SPATS2: variants seen among roughly 807,000 people sequenced by gnomAD.
SPATS2 encodes spermatogenesis-associated serine-rich protein 2.
SPATS2 carries 38 observed loss-of-function variants against 63.7 expected under a neutral mutation model. The ratio of observed to expected loss-of-function variants is 0.60; its 90% CI spans 0.46 to 0.78. The LOEUF (loss-of-function observed/expected upper bound fraction) is 0.78, where lower values mean the gene tolerates loss of function less well. Among genes scored for constraint, SPATS2 ranks in the 30% least tolerant of loss-of-function variants. The pLI is 0.00. For missense variants in SPATS2, 588 were observed against 666.2 expected, an observed-to-expected ratio of 0.88 and a Z score of 1.29; for synonymous variants, 207 against 232.9, an observed-to-expected ratio of 0.89 and a Z score of 1.01.
chr12:49,494,899 T>A lies in SPATS2; in HGVS notation c.423T>A (p.Thr141=). The A allele has an allele frequency of 6.2e-7, 1 of 1,614,110 alleles. No individual in the cohort carries two copies. Among genetic ancestry groups the A allele is most frequent in the Non-Finnish European group, 8.5e-7 (1 of 1,180,026 alleles). Residue 141 remains threonine (T), a synonymous_variant, in exon 7 of 14, where the codon ACT becomes ACA. Transcript: ENST00000552918. ...ATGTCAATGGTGCCATCAATGACACTGAGTCTGTGGACTCACTCAGTGAAG... is the reference window on the plus strand; with the variant it reads ...ATGTCAATGGTGCCATCAATGACACAGAGTCTGTGGACTCACTCAGTGAAG... The part of the protein sequence containing the change: ...GYHVNGAIND[T]ESVDSLSEGL...
intron 3 of SPATS2, among the ~76,000 whole-genome samples, chr12:49,464,108 T>C (rs1357129989): frequency 1.3e-5 from 2 of 152,216 alleles, no homozygotes; most frequent in African/African-American, 4.8e-5. Flanking sequence ...AACACAGTTT[T>C]ATTGAGGTAT....
intron 6 of SPATS2, among the ~76,000 whole-genome samples, chr12:49,493,900 A>G (rs1025588166): frequency 2.6e-5 from 4 of 152,220 alleles, no homozygotes; most frequent in African/African-American, 9.6e-5. Context: ...GTCTCAATAT[A>G]TAAAGAGCTT....
rs995598289 is a variant in SPATS2 at position 49,526,328 on chromosome 12, G to A, written c.*73G>A. 5.4e-6 allele frequency: 8 copies of A among 1,484,226 alleles called. No individual in the cohort carries two copies. Among genetic ancestry groups the A allele is most frequent in the Non-Finnish European group, 7.2e-6 (8 of 1,113,948 alleles). The allele number at this position is 1,484,226 out of a possible 1,614,324, so 91.9% of individuals were successfully genotyped here. The stretch of plus-strand genomic sequence containing the variant: ...ATAACTGGACTTTAGGAAACTTACA[G>A]TTAGATGTAATAACAAAAAGAAGTT... On this transcript the variant is annotated 3_prime_UTR_variant, in exon 14 of 14. Transcript: ENST00000552918.
rs990155182 is a variant in SPATS2, at chr12:49,471,786, C to T, written c.25+10749C>T. Among the ~76,000 whole-genome samples the T allele has an allele frequency of 2.6e-5, 4 of 152,168 alleles. 1 individual carries two copies. Among genetic ancestry groups the T allele is most frequent in the African/African-American group, 9.7e-5 (4 of 41,436 alleles). ...ATTAAACAGTAACTTACCATTCCCT[C>T]CCAGTTGTTGGCAACCACCATTCTA... On this transcript the variant is annotated intron_variant, in intron 3 of 13. Coordinates refer to ENST00000552918, the MANE Select transcript of SPATS2 (RefSeq NM_023071.4).
chr12:49,450,108 A>C (rs1376607708), intron 2 of SPATS2, among the ~76,000 whole-genome samples: 2 of 151,796 alleles, frequency 1.3e-5, no homozygotes, highest in African/African-American at 4.8e-5. Context: ...TGCATGATAT[A>C]TCTTTTTTCA....
At chr12:49,430,191 C>A (rs369569115) in intron 2 of SPATS2, among the ~76,000 whole-genome samples, 89 of 150,472 alleles carry the variant, frequency 5.9e-4, no homozygotes, top group Middle Eastern at 3.4e-3. Flanking sequence ...AGGTCTGCCT[C>A]CCAGGTTCAA....
chr12:49,412,951 A>G (rs79929859), intron 2 of SPATS2, among the ~76,000 whole-genome samples: 2 of 152,170 alleles, frequency 1.3e-5, no homozygotes, highest in Non-Finnish European at 2.9e-5. Flanking sequence ...GGAAAGAAGA[A>G]GGAACTGAGT....
intron 2 of SPATS2, among the ~76,000 whole-genome samples, chr12:49,392,926 C>T (rs1194711900): frequency 1.3e-5 from 2 of 152,054 alleles, no homozygotes; most frequent in African/African-American, 2.4e-5. Flanking sequence ...GTGGCAGGCG[C>T]CCATAATCCC....
At chr12:49,491,571 G>A (rs975953230) in intron 6 of SPATS2, among the ~76,000 whole-genome samples, 2 of 152,144 alleles carry the variant, frequency 1.3e-5, no homozygotes, top group African/African-American at 4.8e-5. Context: ...GTGCCTTGCA[G>A]AGGGGTCTGA....
intron 9 of SPATS2, among the ~76,000 whole-genome samples, chr12:49,514,106 A>G (rs1365438466): frequency 6.6e-6 from 1 of 151,786 alleles, no homozygotes. Flanking sequence ...GCAGTGAGCC[A>G]AGATCGCGCC....
At chr12:49,513,391 C>G (rs1248620123) in intron 9 of SPATS2, among the ~76,000 whole-genome samples, 1 of 151,484 alleles carries the variant, frequency 6.6e-6, no homozygotes, top group East Asian at 1.9e-4. Flanking sequence ...ATTTTTTTTT[C>G]TTTTTGCCAC....
In SPATS2 at chr12:49,460,858, A is replaced by T; in HGVS notation, c.-155A>T. 2.9e-6 allele frequency: 2 copies of T among 695,918 alleles called. No individual in the cohort carries two copies. The highest frequency in any genetic ancestry group is 5.1e-6 in the Non-Finnish European group (2 of 391,574). The allele number at this position is 695,918 out of a possible 1,614,324, so 43.1% of individuals were successfully genotyped here. A position where few individuals can be genotyped will look rare whatever the true frequency, so the allele number is the denominator to read the frequency against. ...AGAAAAGGAAAGGAGATTAACAGCT[A>T]GTGAGCAGAATTTCGAACAGCAGGA... On this transcript the variant is annotated 5_prime_UTR_variant, in exon 3 of 14. Coordinates refer to ENST00000552918, the MANE Select transcript of SPATS2 (RefSeq NM_023071.4).
At chr12:49,463,852 A>G (rs1040787535) in intron 3 of SPATS2, among the ~76,000 whole-genome samples, 1 of 152,224 alleles carries the variant, frequency 6.6e-6, no homozygotes. Context: ...TAAATTCCTT[A>G]TTTAATGAAA....
At chr12:49,411,705 C>T (rs559305311) in intron 2 of SPATS2, among the ~76,000 whole-genome samples, 2 of 152,154 alleles carry the variant, frequency 1.3e-5, no homozygotes, top group African/African-American at 2.4e-5. Context: ...TTAATTAAAC[C>T]GCTGCTAAAT....
At position 49,484,469 on chromosome 12, in the gene SPATS2, A is replaced by G. The variant is rs1946255453; in HGVS notation, c.26-121A>G. ...GTTATCTATGTAACAGAATTTGCCA[A>G]ATAGCAACTAAGTTGCTGTTAATTG... On this transcript the variant is annotated intron_variant, in intron 3 of 13. Transcript: ENST00000552918. 4.8e-6 allele frequency: 4 copies of G among 840,384 alleles called. No homozygotes were observed. In the South Asian group the frequency reaches 5.4e-5, roughly 11 times the overall value. The allele number at this position is 840,384 out of a possible 1,614,324, so 52.1% of individuals were successfully genotyped here.
intron 8 of SPATS2, among the ~76,000 whole-genome samples, chr12:49,497,678 G>T (rs898814729): frequency 6.6e-6 from 1 of 152,110 alleles, no homozygotes; most frequent in African/African-American, 2.4e-5. Flanking sequence ...ACAGGCGTGA[G>T]CCACTGCGCC....
intron 6 of SPATS2, among the ~76,000 whole-genome samples, chr12:49,491,946 T>C (rs1414636570): frequency 6.6e-6 from 1 of 152,176 alleles, no homozygotes; most frequent in Admixed American, 6.5e-5. Context: ...GTTCTTTTCT[T>C]TATTAAGTCA....
intron 12 of SPATS2, 82 bp downstream of exon 12, chr12:49,522,935 T>C: frequency 8.8e-7 from 1 of 1,137,510 alleles, no homozygotes; most frequent in Non-Finnish European, 1.3e-6. Flanking sequence ...CACCACTGAT[T>C]CCTCATTAGT....
At chr12:49,389,745 A>G (rs1455177672) in intron 2 of SPATS2, 3 of 1,528,242 alleles carry the variant, frequency 2.0e-6, no homozygotes, top group African/African-American at 1.4e-5. Context: ...CAGACAAATC[A>G]GAGAATTGCA....
Sources: gnomAD v4.1 joint callset for allele counts (sites outside exome capture counted in the v4.1 genomes callset) on GRCh38, gnomAD v4.1.1 for gene constraint, MANE v1.5 for transcripts, NCBI Gene and HGNC (gene_info 2026-07-23, HGNC 2026-07-21) for gene names.